Variants in CCDC30 observed in about 807,000 individuals in gnomAD.
CCDC30 encodes coiled-coil domain containing 30, also known as coiled-coil domain-containing protein 30.
A neutral mutation model predicts 100.2 loss-of-function variants in CCDC30; 70 were observed. The ratio of observed to expected loss-of-function variants is 0.70; its 90% CI spans 0.58 to 0.85. The LOEUF is 0.85. Ranked by LOEUF, CCDC30 falls within the 40% of genes least tolerant of loss-of-function variation. The pLI, the probability that CCDC30 is intolerant of heterozygous loss-of-function variation, is 0.00. For synonymous variants in CCDC30, 233 were observed against 269.5 expected (o/e 0.86, Z 1.33); for missense variants, 652 against 771.2 (o/e 0.85, Z 1.83).
chr1:42,526,075 G>A (rs1233379787), intron 6 of CCDC30, among the ~76,000 whole-genome samples: 1 of 151,936 alleles, frequency 6.6e-6, no homozygotes, highest in Non-Finnish European at 1.5e-5. Flanking sequence ...TCATCTTTCT[G>A]AACTCCTTTC....
At chr1:42,635,880 A>G (rs2148675860) in intron 11 of CCDC30, among the ~76,000 whole-genome samples, 1 of 151,948 alleles carries the variant, frequency 6.6e-6, no homozygotes, top group African/African-American at 2.4e-5. Context: ...TAAAGAGACT[A>G]TACTATTTTA....
At chr1:42,561,765 C>T (rs1645492596) in intron 6 of CCDC30, among the ~76,000 whole-genome samples, 1 of 152,154 alleles carries the variant, frequency 6.6e-6, no homozygotes, top group East Asian at 1.9e-4. Flanking sequence ...TCTCAGCATA[C>T]AAAATCAATG....
At chr1:42,545,540 C>A (rs746492334) in intron 6 of CCDC30, 2 of 1,605,610 alleles carry the variant, frequency 1.2e-6, no homozygotes, top group Non-Finnish European at 1.7e-6. Flanking sequence ...ATTTTGGAAA[C>A]AGAAATTCAA....
chr1:42,459,703 T>C, upstream of CCDC30: 1 of 1,614,154 alleles, frequency 6.2e-7, no homozygotes, highest in Non-Finnish European at 8.5e-7. Flanking sequence ...GACCCCGCCA[T>C]TGTAATTAAT....
chr1:42,629,076 A>G (rs1277979671), intron 11 of CCDC30, among the ~76,000 whole-genome samples: 1 of 152,160 alleles, frequency 6.6e-6, no homozygotes, highest in African/African-American at 2.4e-5. Context: ...CTACAGTTAC[A>G]GTGTTATATT....
At chr1:42,519,651 A>C (rs1644605967) in intron 6 of CCDC30, among the ~76,000 whole-genome samples, 2 of 152,166 alleles carry the variant, frequency 1.3e-5, no homozygotes, top group Non-Finnish European at 2.9e-5. Flanking sequence ...TCCTGGGTTC[A>C]AGCAATTCTC....
intron 9 of CCDC30, among the ~76,000 whole-genome samples, chr1:42,587,790 C>T (rs1472366259): frequency 1.3e-5 from 2 of 152,156 alleles, no homozygotes; most frequent in Admixed American, 6.5e-5. Context: ...GATGAATCTC[C>T]TAAGTCCAGA....
intron 9 of CCDC30, among the ~76,000 whole-genome samples, chr1:42,587,917 C>T (rs1570160408): frequency 1.3e-5 from 2 of 152,272 alleles, no homozygotes; most frequent in African/African-American, 4.8e-5. Flanking sequence ...ATTACTGAGA[C>T]AATGAGTATT....
chr1:42,512,583 A>G (rs1644495082), intron 6 of CCDC30, among the ~76,000 whole-genome samples: 1 of 152,208 alleles, frequency 6.6e-6, no homozygotes, highest in African/African-American at 2.4e-5. Flanking sequence ...CATATTGCAC[A>G]TAGAGAGAGG....
chr1:42,566,873 C>T (rs938807711), intron 7 of CCDC30, among the ~76,000 whole-genome samples: 3 of 152,122 alleles, frequency 2.0e-5, no homozygotes, highest in African/African-American at 7.2e-5. Context: ...CAAAGTTGTT[C>T]TTCCTAATAC....
intron 9 of CCDC30, among the ~76,000 whole-genome samples, chr1:42,587,957 G>A (rs769901111): frequency 9.9e-5 from 15 of 152,260 alleles, no homozygotes; most frequent in Non-Finnish European, 1.9e-4. Context: ...TTAGGGTGCC[G>A]CAGTTGAGGA....
intron 15 of CCDC30, among the ~76,000 whole-genome samples, chr1:42,648,368 G>A (rs1230913090): frequency 2.0e-5 from 3 of 152,094 alleles, no homozygotes; most frequent in Non-Finnish European, 2.9e-5. Flanking sequence ...TACAAGGAAA[G>A]AAATAATAAA....
intron 7 of CCDC30, among the ~76,000 whole-genome samples, chr1:42,574,132 A>C (rs1042820144): frequency 5.3e-5 from 8 of 152,286 alleles, no homozygotes; most frequent in Middle Eastern, 3.4e-3. Flanking sequence ...CTTAAAATAA[A>C]AATGGGTAAT....
intron 6 of CCDC30, among the ~76,000 whole-genome samples, chr1:42,563,692 C>G (rs901357846): frequency 1.3e-5 from 2 of 152,126 alleles, no homozygotes; most frequent in African/African-American, 4.8e-5. Context: ...GCCTGACCAA[C>G]ATGGTGAAAC....
chr1:42,490,420 A>G (rs957052522), intron 4 of CCDC30, among the ~76,000 whole-genome samples, 191 bp downstream of exon 4: 1 of 151,198 alleles, frequency 6.6e-6, no homozygotes, highest in Non-Finnish European at 1.5e-5. Context: ...TTTTTAAAAA[A>G]TTATTATTTA....
intron 10 of CCDC30, among the ~76,000 whole-genome samples, chr1:42,603,693 G>A (rs763800524): frequency 6.6e-6 from 1 of 152,180 alleles, no homozygotes; most frequent in South Asian, 2.1e-4. Context: ...GCAGAATGGC[G>A]CTGTCACTTT....
intron 9 of CCDC30, among the ~76,000 whole-genome samples, chr1:42,582,047 C>CT (rs903639349): frequency 6.1e-5 from 8 of 131,620 alleles, no homozygotes; most frequent in Non-Finnish European, 1.2e-4. Context: ...CATAGTGAGT[C>CT]TTTGTCTATA....
At chr1:42,605,594 G>C (rs937806697) in intron 10 of CCDC30, among the ~76,000 whole-genome samples, 9 of 151,996 alleles carry the variant, frequency 5.9e-5, no homozygotes, top group Admixed American at 5.9e-4. Flanking sequence ...TCCTCTCACC[G>C]CAGTCTCCCA....
At chr1:42,592,571 G>A (rs1054668206) in intron 10 of CCDC30, 1 of 152,072 alleles carries the variant, frequency 6.6e-6, no homozygotes, top group South Asian at 2.1e-4. Context: ...AAATTAATTG[G>A]ATGTGTTGGC....
Sources: allele counts gnomAD v4.1 joint callset (sites outside exome capture counted in the v4.1 genomes callset), GRCh38; gene constraint gnomAD v4.1.1; transcripts MANE v1.5; gene names NCBI Gene and HGNC (gene_info 2026-07-23, HGNC 2026-07-21).